The following MARCHF1 variants were observed in gnomAD, a reference collection of about 807,000 sequenced individuals.
The protein encoded by MARCHF1 is membrane associated ring-CH-type finger 1, also known as E3 ubiquitin-protein ligase MARCHF1.
Under a neutral mutation model 54.2 loss-of-function variants are expected in MARCHF1, and 40 were observed. That is an observed-to-expected ratio of 0.74 (90% CI 0.57 to 0.96). The LOEUF is 0.96. Among genes scored for constraint, MARCHF1 ranks in the 40% least tolerant of loss-of-function variants. The probability of loss-of-function intolerance (pLI) is 0.00; values close to 1 mark genes in which losing one functional copy is unlikely to be tolerated. For missense variants in MARCHF1, 586 were observed against 656.5 expected (o/e 0.89, Z 1.17); for synonymous variants, 236 against 236.3 (o/e 1.00, Z 0.01).
At chr4:163,765,165 G>A (rs1446930198) in intron 4 of MARCHF1, among the ~76,000 whole-genome samples, 3 of 152,000 alleles carry the variant, frequency 2.0e-5, no homozygotes, top group Non-Finnish European at 4.4e-5. Flanking sequence ...ACAAATGTAG[G>A]CTTGGTTTAT....
chr4:164,282,662 G>A (rs1734054293), intron 1 of MARCHF1, among the ~76,000 whole-genome samples: 2 of 151,108 alleles, frequency 1.3e-5, no homozygotes, highest in African/African-American at 4.9e-5. Context: ...CAGGTGGAAG[G>A]AACACAATTT....
intron 3 of MARCHF1, among the ~76,000 whole-genome samples, chr4:163,859,389 G>C (rs1359468385): frequency 1.3e-5 from 2 of 148,946 alleles, no homozygotes; most frequent in African/African-American, 4.9e-5. Flanking sequence ...TTTTGAAATG[G>C]AGTTCTCGTT....
intron 5 of MARCHF1, among the ~76,000 whole-genome samples, chr4:163,670,078 GTTTC>G (rs10547599): frequency 0.13 from 20,353 of 151,924 alleles, 1,634 homozygotes; most frequent in East Asian, 0.33. Flanking sequence ...TTCTTCCAAA[GTTTC>G]TTTCTTTAAT....
intron 2 of MARCHF1, among the ~76,000 whole-genome samples, chr4:164,045,967 A>C: frequency 6.6e-6 from 1 of 152,228 alleles, no homozygotes; most frequent in East Asian, 1.9e-4. Flanking sequence ...GGATGCTGGC[A>C]GAAGACACAA....
At chr4:163,985,464 T>G (rs1473977962) in intron 3 of MARCHF1, among the ~76,000 whole-genome samples, 2 of 152,210 alleles carry the variant, frequency 1.3e-5, no homozygotes, top group Non-Finnish European at 2.9e-5. Context: ...ATTTTCATTA[T>G]AAAGCTAGAG....
chr4:164,351,471 C>G (rs1157526132), intron 1 of MARCHF1, among the ~76,000 whole-genome samples: 2 of 151,346 alleles, frequency 1.3e-5, no homozygotes, highest in Non-Finnish European at 3.0e-5. Flanking sequence ...CCCGAGCAGC[C>G]TAACTGGGAG....
chr4:163,563,651 T>G (rs140632345), intron 8 of MARCHF1, among the ~76,000 whole-genome samples: 208 of 152,326 alleles, frequency 1.4e-3, no homozygotes, highest in Non-Finnish European at 2.0e-3. Context: ...AGAAGATTTA[T>G]TTAGTCTGTC....
intron 4 of MARCHF1, among the ~76,000 whole-genome samples, chr4:163,742,907 C>G (rs1746250335): frequency 6.6e-6 from 1 of 151,644 alleles, no homozygotes; most frequent in African/African-American, 2.4e-5. Context: ...GTAGATGAGA[C>G]AAGATACCAT....
At chr4:163,862,529 C>T (rs941114119) in intron 3 of MARCHF1, among the ~76,000 whole-genome samples, 1 of 151,952 alleles carries the variant, frequency 6.6e-6, no homozygotes, top group Non-Finnish European at 1.5e-5. Context: ...ATTAGAGTGG[C>T]TAAAATGCAA....
At chr4:163,744,755 C>T (rs537393289) in intron 4 of MARCHF1, among the ~76,000 whole-genome samples, 52 of 152,086 alleles carry the variant, frequency 3.4e-4, no homozygotes, top group African/African-American at 1.3e-3. Flanking sequence ...TGTTTATATC[C>T]TTTAATGTAT....
chr4:164,312,878 C>T (rs1439605019), intron 1 of MARCHF1, among the ~76,000 whole-genome samples: 6 of 152,126 alleles, frequency 3.9e-5, no homozygotes, highest in African/African-American at 1.2e-4. Flanking sequence ...AGCCCTGTGC[C>T]GGCACTACCA....
At chr4:164,275,217 G>A (rs1425987708) in intron 1 of MARCHF1, among the ~76,000 whole-genome samples, 1 of 152,028 alleles carries the variant, frequency 6.6e-6, no homozygotes, top group African/African-American at 2.4e-5. Context: ...GGGAGCATGG[G>A]TCATTAATCT....
chr4:163,722,040 T>C (rs1436287205), intron 4 of MARCHF1, among the ~76,000 whole-genome samples: 1 of 152,134 alleles, frequency 6.6e-6, no homozygotes, highest in Non-Finnish European at 1.5e-5. Context: ...TTAGTTCTTC[T>C]CTAATCTTAG....
intron 1 of MARCHF1, among the ~76,000 whole-genome samples, chr4:164,249,000 A>G (rs1420492273): frequency 1.3e-5 from 2 of 152,088 alleles, no homozygotes; most frequent in African/African-American, 4.8e-5. Context: ...ATATTTACCA[A>G]GTGTTGCTAC....
At chr4:163,553,937 G>GA (rs941485256) in intron 8 of MARCHF1, among the ~76,000 whole-genome samples, 12 of 151,988 alleles carry the variant, frequency 7.9e-5, no homozygotes, top group Admixed American at 6.6e-4. Flanking sequence ...ATGGATACAT[G>GA]AAAAAAATGG....
intron 3 of MARCHF1, among the ~76,000 whole-genome samples, chr4:163,957,843 G>T (rs1321614912): frequency 1.3e-5 from 2 of 151,994 alleles, no homozygotes; most frequent in African/African-American, 4.8e-5. Context: ...GATATGATCT[G>T]CACTTGTCTC....
chr4:163,660,647 A>G (rs1345004946), intron 5 of MARCHF1, among the ~76,000 whole-genome samples: 1 of 151,966 alleles, frequency 6.6e-6, no homozygotes, highest in Non-Finnish European at 1.5e-5. Context: ...CTGGTTTATG[A>G]TCACTTGGAA....
rs1404708903 is a variant in MARCHF1, at chr4:163,526,581, A to G, written c.*2167T>C. 6.6e-6 allele frequency: 1 copy of G among 152,026 alleles called. No homozygotes were observed. The highest frequency in any genetic ancestry group is 1.9e-4 in the East Asian group (1 of 5,190). 9.4% of individuals were successfully genotyped at this position (152,026 alleles called of 1,614,324 possible). A position where few individuals can be genotyped will look rare whatever the true frequency, so the allele number is the denominator to read the frequency against. On this transcript the variant is annotated 3_prime_UTR_variant, in exon 10 of 10. Transcript: ENST00000514618. ...TCACCCACAGATTTGTTATTCATAA[A>G]TGTATTTATCTTAAATATTTAAAAT...
At chr4:164,040,479 C>A (rs1754105213) in intron 2 of MARCHF1, among the ~76,000 whole-genome samples, 1 of 146,278 alleles carries the variant, frequency 6.8e-6, no homozygotes, top group African/African-American at 2.5e-5. Context: ...TAAATGTATA[C>A]AAAATTATAG....
Sources: gnomAD v4.1 joint callset for allele counts (sites outside exome capture counted in the v4.1 genomes callset) on GRCh38, gnomAD v4.1.1 for gene constraint, MANE v1.5 for transcripts, NCBI Gene and HGNC (gene_info 2026-07-23, HGNC 2026-07-21) for gene names.